Variants in ANO9 observed in about 807,000 individuals in gnomAD.
ANO9 encodes the protein anoctamin 9, also known as anoctamin-9.
A neutral mutation model predicts 100.5 loss-of-function variants in ANO9; 80 were observed. That is an observed-to-expected ratio of 0.80 (90% CI 0.66 to 0.96). The LOEUF is 0.96. Among genes scored for constraint, ANO9 ranks in the 40% least tolerant of loss-of-function variants. The pLI is 0.00. For missense variants in ANO9, 1,064 were observed against 1,072.7 expected, an observed-to-expected ratio of 0.99 and a Z score of 0.11; for synonymous variants, 473 against 435.6, an observed-to-expected ratio of 1.09 and a Z score of -1.07.
intron 1 of ANO9, among the ~76,000 whole-genome samples, chr11:441,015 A>G (rs1845833134): frequency 1.3e-5 from 2 of 152,174 alleles, no homozygotes. Context: ...CATGGGAGGA[A>G]GGGGCTGGCA....
chr11:423,924 T>C lies in ANO9; in HGVS notation c.1335-2726A>G, dbSNP rs903842431. Among the ~76,000 whole-genome samples, 24 of 64,766 alleles carry C rather than the reference T, an allele frequency of 3.7e-4. 1 individual carries two copies. Among genetic ancestry groups the C allele is most frequent in the South Asian group, 1.3e-3 (2 of 1,534 alleles). 42.5% of individuals were successfully genotyped at this position (64,766 alleles called of 152,430 possible). The stretch of plus-strand genomic sequence containing the variant: ...ACACACACACACACACACACACACA[T>C]TTGAGATGGAGCCTCACTCTGTCAC... On this transcript the variant is annotated intron_variant, in intron 15 of 22. Transcript: ENST00000332826.
Position 421,159 on chromosome 11 carries a change from G to A in ANO9, c.1374C>T (p.Gly458=). 1 of 1,567,072 alleles carries A rather than the reference G, an allele frequency of 6.4e-7. No homozygotes were observed. Among genetic ancestry groups the A allele is most frequent in the Non-Finnish European group, 8.7e-7 (1 of 1,151,788 alleles). The part of the protein sequence containing the change: ...GHPGKSTRLA[G]LWKLEECHAS... ...GACTGACCTCTTCCAGCTTCCACAA[G>A]CCCGCCAGGCGCGTGGACTTCCCGG... is the stretch of plus-strand genomic sequence containing the variant. The change falls in exon 16 of 23, where the codon GGC becomes GGT. Residue 458 remains glycine (G), a synonymous_variant. Coordinates refer to ENST00000332826, the MANE Select transcript of ANO9 (RefSeq NM_001012302.3). The surrounding 1 kb of genome is among the most constrained non-coding windows in gnomAD (Gnocchi z 6.8).
rs376095697 is a variant in ANO9 at position 428,065 on chromosome 11, A to T, written c.1334+23T>A. The T allele has an allele frequency of 3.3e-6, 5 of 1,538,198 alleles. No homozygotes were observed. In the African/African-American group the frequency reaches 5.2e-5, roughly 16 times the overall value. ...AACAAGCCCTCGTGAGTTGGGTTGG[A>T]GGGAGCCTGGCGCCGGCCCTACCTG... On this transcript the variant is annotated intron_variant, in intron 15 of 22. Coordinates refer to ENST00000332826, the MANE Select transcript of ANO9 (RefSeq NM_001012302.3).
rs374885023 is a variant in ANO9, at chr11:441,802, C to A, written c.6+119G>T. ...CCTGACCGGGCAGCCTGCAGGGACC[C>A]CCCCCACACACACAGGCGCCTTCCA... On this transcript the variant is annotated intron_variant, in intron 1 of 22. Transcript: ENST00000332826. 15 of 1,436,466 alleles carry A rather than the reference C, an allele frequency of 1.0e-5. No individual in the cohort carries two copies. The East Asian group carries it at 3.5e-4, about 33-fold the overall frequency. The allele number at this position is 1,436,466 out of a possible 1,614,324, so 89.0% of individuals were successfully genotyped here.
chr11:421,016 G>T lies in ANO9; in HGVS notation c.1419C>A (p.Asp473Glu). ...TGATGATGGCCATCTGCACGAAGAG[G>T]TCCATCATGCAGCCGCTGGCGTGGC... ...EECHASGCMM[D>E]LFVQMAIIMG... The change falls in exon 17 of 23, where the codon GAC (aspartate) becomes GAA (glutamate). Residue 473 changes from aspartate to glutamate, a missense_variant. Asp to Glu is a conservative substitution (Grantham distance 45). Transcript: ENST00000332826. This position sits in a 1 kb window ranked among gnomAD's most constrained non-coding sequence, Gnocchi z 6.8. 1 of 1,604,976 alleles carries T rather than the reference G, an allele frequency of 6.2e-7. No individual in the cohort carries two copies. The highest frequency in any genetic ancestry group is 8.5e-7 in the Non-Finnish European group (1 of 1,173,828).
Position 418,235 on chromosome 11 carries a change from A to G in ANO9, c.*136T>C. The stretch of plus-strand genomic sequence containing the variant: ...AGGGTGGCAGCTCACAGCCCTGAAC[A>G]TACAGGGGATTCCTGCGGCCCCACA... On this transcript the variant is annotated 3_prime_UTR_variant, in exon 23 of 23. Coordinates refer to ENST00000332826, the MANE Select transcript of ANO9 (RefSeq NM_001012302.3). 2.3e-6 allele frequency: 2 copies of G among 878,400 alleles called. No individual in the cohort carries two copies. Among genetic ancestry groups the G allele is most frequent in the Admixed American group, 2.9e-5 (1 of 34,584 alleles). The allele number at this position is 878,400 out of a possible 1,614,324, so 54.4% of individuals were successfully genotyped here.
In ANO9 at chr11:429,559, C is replaced by G. The variant is rs1019241118; in HGVS notation, c.915+11G>C. 2 of 1,612,136 alleles carry G rather than the reference C, an allele frequency of 1.2e-6. No homozygotes were observed. Among genetic ancestry groups the G allele is most frequent in the African/African-American group, 2.7e-5 (2 of 74,926 alleles). On this transcript the variant is annotated intron_variant, in intron 11 of 22. Transcript: ENST00000332826. ...GGGTCGGCCTCAGCTGCGCTGCCAGCTCCACCTCACCTGTTCCTCGTCCCA... is the reference window on the plus strand; with the variant it reads ...GGGTCGGCCTCAGCTGCGCTGCCAGGTCCACCTCACCTGTTCCTCGTCCCA...
intron 11 of ANO9, chr11:429,365 A>G (rs1180569448): frequency 2.4e-6 from 3 of 1,256,446 alleles, no homozygotes; most frequent in Non-Finnish European, 1.1e-6. Flanking sequence ...GTGGACAGAC[A>G]CGGGACACTC....
Position 430,182 on chromosome 11 carries a change from G to C in ANO9, c.675-3C>G. ...CGTGGGCCTCACAGATCTCCTTGCT[G>C]AAGGGGCAGGGATGAGGCTGGGGTC... On this transcript the variant is annotated splice_polypyrimidine_tract_variant and splice_region_variant and intron_variant, in intron 8 of 22. Coordinates refer to ENST00000332826, the MANE Select transcript of ANO9 (RefSeq NM_001012302.3). 6.4e-7 allele frequency: 1 copy of C among 1,551,332 alleles called. No individual in the cohort carries two copies. Among genetic ancestry groups the C allele is most frequent in the Non-Finnish European group, 8.7e-7 (1 of 1,147,736 alleles).
At position 418,707 on chromosome 11, in the gene ANO9, G is replaced by C. The variant is rs769248279; in HGVS notation, c.2130+13C>G. 2 of 1,612,760 alleles carry C rather than the reference G, an allele frequency of 1.2e-6. No homozygotes were observed. The highest frequency in any genetic ancestry group is 1.7e-6 in the Non-Finnish European group (2 of 1,179,934). ...CCAGACCCACTCCGAGGCCTCTCCC[G>C]GTTCTGGCTCACCTCAAAGAGGATG... On this transcript the variant is annotated intron_variant, in intron 22 of 22. Coordinates refer to ENST00000332826, the MANE Select transcript of ANO9 (RefSeq NM_001012302.3).
intron 1 of ANO9, among the ~76,000 whole-genome samples, chr11:439,313 C>T (rs1246600880): frequency 2.0e-5 from 3 of 152,246 alleles, no homozygotes; most frequent in African/African-American, 4.8e-5. Flanking sequence ...CTTCTGGAGA[C>T]ACTGTAGCCT....
intron 18 of ANO9, 34 bp downstream of exon 18, chr11:420,684 C>T: frequency 6.2e-7 from 1 of 1,602,194 alleles, no homozygotes; most frequent in Non-Finnish European, 8.5e-7. Flanking sequence ...CCGCATTCGT[C>T]TCCGCGAACC....
intron 15 of ANO9, among the ~76,000 whole-genome samples, chr11:423,680 T>C (rs1848325248): frequency 6.6e-6 from 1 of 151,464 alleles, no homozygotes; most frequent in South Asian, 2.1e-4. Flanking sequence ...ACTAATTTTC[T>C]ATTTTTTGTA....
At position 422,503 on chromosome 11, in the gene ANO9, G is replaced by A. The variant is rs1015040412; in HGVS notation, c.1335-1305C>T. 6.6e-6 allele frequency among the ~76,000 whole-genome samples: 1 copy of A among 152,228 alleles called. No individual in the cohort carries two copies. Reference sequence around the variant, plus strand: ...CTCTGTGGGGACAGGGAGCAGCTGGGAGCTGGCCTGACTCAGAAGGAATCA... The same window carrying A: ...CTCTGTGGGGACAGGGAGCAGCTGGAAGCTGGCCTGACTCAGAAGGAATCA... On this transcript the variant is annotated intron_variant, in intron 15 of 22. Coordinates refer to ENST00000332826, the MANE Select transcript of ANO9 (RefSeq NM_001012302.3). The surrounding 1 kb of genome is among the most constrained non-coding windows in gnomAD (Gnocchi z 4.3).
In ANO9 at chr11:421,411, C is replaced by T; in HGVS notation, c.1335-213G>A. On this transcript the variant is annotated intron_variant, in intron 15 of 22. Coordinates refer to ENST00000332826, the MANE Select transcript of ANO9 (RefSeq NM_001012302.3). This position sits in a 1 kb window ranked among gnomAD's most constrained non-coding sequence, Gnocchi z 6.8. Reference sequence around the variant, plus strand: ...ACACACAGGGGAGGCCACAGGCTCCCAGATGAACCGCACCCACACGTGGGC... The same window carrying T: ...ACACACAGGGGAGGCCACAGGCTCCTAGATGAACCGCACCCACACGTGGGC... 4.5e-6 allele frequency: 2 copies of T among 445,092 alleles called. No individual in the cohort carries two copies. The highest frequency in any genetic ancestry group is 7.8e-6 in the Non-Finnish European group (2 of 255,332). The allele number at this position is 445,092 out of a possible 1,614,324, so 27.6% of individuals were successfully genotyped here. A position where few individuals can be genotyped will look rare whatever the true frequency, so the allele number is the denominator to read the frequency against.
At chr11:419,752 C>T (rs377318908) in intron 19 of ANO9, 23 bp from the exon 20 acceptor site, 48 of 1,586,116 alleles carry the variant, frequency 3.0e-5, no homozygotes, top group South Asian at 8.8e-5. Flanking sequence ...AGTGGGCAAG[C>T]GGTCTGACTC....
At chr11:423,885 TCACACACACACACA>T (rs57182615) in intron 15 of ANO9, among the ~76,000 whole-genome samples, 4 of 143,306 alleles carry the variant, frequency 2.8e-5, no homozygotes, top group South Asian at 2.3e-4. Flanking sequence ...AGTTGAATAC[TCACACACACACACA>T]CACACACACA....
Position 418,086 on chromosome 11 carries a change from T to A in ANO9, c.*285A>T. On this transcript the variant is annotated 3_prime_UTR_variant, in exon 23 of 23. Coordinates refer to ENST00000332826, the MANE Select transcript of ANO9 (RefSeq NM_001012302.3). The stretch of plus-strand genomic sequence containing the variant: ...GAGGCCCAGGAAATTTGCGCCAGTT[T>A]TCCTGCCTTGTGGCTGCCTGAGGAG... 2.5e-6 allele frequency: 1 copy of A among 399,140 alleles called. No homozygotes were observed. The highest frequency in any genetic ancestry group is 4.1e-5 in the Admixed American group (1 of 24,182). 24.7% of individuals were successfully genotyped at this position (399,140 alleles called of 1,614,324 possible).
chr11:439,729 C>G (rs143273889), intron 1 of ANO9, among the ~76,000 whole-genome samples: 110 of 152,328 alleles, frequency 7.2e-4, no homozygotes, highest in African/African-American at 2.6e-3. Context: ...GAGAGGCCCA[C>G]CTTGTGAGCC....
Sources: allele counts gnomAD v4.1 joint callset (sites outside exome capture counted in the v4.1 genomes callset), GRCh38; gene constraint gnomAD v4.1.1; non-coding constraint Gnocchi (gnomAD v3.1); transcripts MANE v1.5; gene names NCBI Gene and HGNC (gene_info 2026-07-23, HGNC 2026-07-21).